STX4: variants seen among roughly 807,000 people sequenced by gnomAD.
STX4 encodes syntaxin 4, also known as syntaxin-4.
A neutral mutation model predicts 41.8 loss-of-function variants in STX4; 24 were observed. That is an observed-to-expected ratio of 0.57 (90% CI 0.42 to 0.81). STX4 has a LOEUF of 0.81. STX4 is among the 30% of genes least tolerant of loss of function. The probability of loss-of-function intolerance (pLI) is 0.00; values close to 1 mark genes in which losing one functional copy is unlikely to be tolerated. For missense variants in STX4, 316 were observed against 389.9 expected (o/e 0.81, Z 1.60); for synonymous variants, 158 against 156.4 (o/e 1.01, Z -0.08).
At position 31,039,437 on chromosome 16, in the gene STX4, TG is replaced by T; in HGVS notation, c.703-103del. The T allele has an allele frequency of 8.4e-7, 1 of 1,197,288 alleles. No individual in the cohort carries two copies. The highest frequency in any genetic ancestry group is 1.2e-6 in the Non-Finnish European group (1 of 838,096). 74.2% of individuals were successfully genotyped at this position (1,197,288 alleles called of 1,614,324 possible). A position where few individuals can be genotyped will look rare whatever the true frequency, so the allele number is the denominator to read the frequency against. On this transcript the variant is annotated intron_variant, in intron 8 of 10. Coordinates refer to ENST00000313843, the MANE Select transcript of STX4 (RefSeq NM_004604.5). The surrounding 1 kb of genome is among the most constrained non-coding windows in gnomAD (Gnocchi z 4.1). ...TCAGATCAAGTCTTGCCCTTGTCTTTGTTAGTGCAATTTTTTTTTCCTGCCA... is the reference window on the plus strand; with the variant it reads ...TCAGATCAAGTCTTGCCCTTGTCTTTTTAGTGCAATTTTTTTTTCCTGCCA...
rs757284471 is a variant in STX4, at chr16:31,038,053, G to C, written c.487+19G>C. Reference sequence around the variant, plus strand: ...AAGATCAGTGAGTTGTGCATGCCCAGCCTGGCCCGCAGGGGCAGGTAATCC... The same window carrying C: ...AAGATCAGTGAGTTGTGCATGCCCACCCTGGCCCGCAGGGGCAGGTAATCC... On this transcript the variant is annotated intron_variant, in intron 6 of 10. Transcript: ENST00000313843. 3.1e-6 allele frequency: 5 copies of C among 1,614,200 alleles called. No homozygotes were observed. The East Asian group carries it at 1.1e-4, about 36-fold the overall frequency.
Position 31,040,068 on chromosome 16 carries a change from C to A in STX4, c.*172C>A, listed in dbSNP as rs943743432. 3 of 550,100 alleles carry A rather than the reference C, an allele frequency of 5.5e-6. No individual in the cohort carries two copies. The South Asian group carries it at 6.2e-5, about 11-fold the overall frequency. 34.1% of individuals were successfully genotyped at this position (550,100 alleles called of 1,614,324 possible). On this transcript the variant is annotated 3_prime_UTR_variant, in exon 11 of 11. Coordinates refer to ENST00000313843, the MANE Select transcript of STX4 (RefSeq NM_004604.5). ...GGCAGCTGCTCATTCATGATGGCCT[C>A]CTCCTTCAGGCCTCAATGCCTGGGG...
rs1458336381 is a variant in STX4, at chr16:31,033,569, G to C, written c.-237G>C. ...CACGGAGGGGCGGGGCTGAGGCTGC[G>C]GGAGCTGGAGCGGGGAAGAAAAGGG... is the stretch of plus-strand genomic sequence containing the variant. On this transcript the variant is annotated 5_prime_UTR_variant, in exon 1 of 11. Coordinates refer to ENST00000313843, the MANE Select transcript of STX4 (RefSeq NM_004604.5). This position sits in a 1 kb window ranked among gnomAD's most constrained non-coding sequence, Gnocchi z 5.5. The C allele has an allele frequency of 1.3e-6, 2 of 1,542,136 alleles. No individual in the cohort carries two copies. Among genetic ancestry groups the C allele is most frequent in the Non-Finnish European group, 1.8e-6 (2 of 1,142,070 alleles).
chr16:31,035,240 A>G (rs1298845046), intron 5 of STX4, among the ~76,000 whole-genome samples, 200 bp downstream of exon 5: 1 of 152,172 alleles, frequency 6.6e-6, no homozygotes, highest in Non-Finnish European at 1.5e-5. Context: ...GTCCGGTTAT[A>G]ACACCCTGCT....
chr16:31,033,692 G>A lies in STX4; in HGVS notation c.-114G>A. ...ACGGAGCCTCTGGCGGCTCGTGGGG[G>A]TGTTGGGGTCCGCAGGGGGAGGGAG... On this transcript the variant is annotated 5_prime_UTR_variant, in exon 1 of 11. In the 5' UTR this introduces an upstream ATG that the reference lacks. Transcript: ENST00000313843. This position sits in a 1 kb window ranked among gnomAD's most constrained non-coding sequence, Gnocchi z 5.5. 1 of 1,447,230 alleles carries A rather than the reference G, an allele frequency of 6.9e-7. No individual in the cohort carries two copies. The highest frequency in any genetic ancestry group is 9.1e-7 in the Non-Finnish European group (1 of 1,102,620). 89.6% of individuals were successfully genotyped at this position (1,447,230 alleles called of 1,614,324 possible).
In STX4 at chr16:31,039,016, G is replaced by A. The variant is rs576369476; in HGVS notation, c.702+369G>A. ...TGTACAAGGCTGGGGTGGGGGCGGCGTTCCCCTGGCCCTGGTTGTGAGTTG... is the reference window on the plus strand; with the variant it reads ...TGTACAAGGCTGGGGTGGGGGCGGCATTCCCCTGGCCCTGGTTGTGAGTTG... On this transcript the variant is annotated intron_variant, in intron 8 of 10. Transcript: ENST00000313843. This position sits in a 1 kb window ranked among gnomAD's most constrained non-coding sequence, Gnocchi z 4.1. 178 of 256,024 alleles carry A rather than the reference G, an allele frequency of 7.0e-4. No individual in the cohort carries two copies. Among genetic ancestry groups the A allele is most frequent in the South Asian group, 1.4e-3 (26 of 19,042 alleles). The allele number at this position is 256,024 out of a possible 1,614,324, so 15.9% of individuals were successfully genotyped here.
In STX4 at chr16:31,039,533, C is replaced by T. The variant is rs1567391125; in HGVS notation, c.703-8C>T. On this transcript the variant is annotated splice_region_variant and splice_polypyrimidine_tract_variant and intron_variant, in intron 8 of 10. Coordinates refer to ENST00000313843, the MANE Select transcript of STX4 (RefSeq NM_004604.5). The surrounding 1 kb of genome is among the most constrained non-coding windows in gnomAD (Gnocchi z 4.1). ...TTACCTCCCTGAACCACCCCATCCT[C>T]TGAGCAGGGGGAGATGATCAATCGG... 1 of 1,613,778 alleles carries T rather than the reference C, an allele frequency of 6.2e-7. No homozygotes were observed. Among genetic ancestry groups the T allele is most frequent in the East Asian group, 2.2e-5 (1 of 44,884 alleles).
At chr16:31,038,078 C>T (rs1176962631) in intron 6 of STX4, 36 bp from the exon 7 acceptor site, 2 of 1,614,136 alleles carry the variant, frequency 1.2e-6, no homozygotes, top group Non-Finnish European at 1.7e-6. Context: ...GCAGGTAATC[C>T]CAACCCAACC....
rs1567390320 is a variant in STX4, at chr16:31,038,042, G to A, written c.487+8G>A. ...GGAGGCAGCTGAAGATCAGTGAGTT[G>A]TGCATGCCCAGCCTGGCCCGCAGGG... On this transcript the variant is annotated splice_region_variant and intron_variant, in intron 6 of 10. Transcript: ENST00000313843. 2 of 1,614,226 alleles carry A rather than the reference G, an allele frequency of 1.2e-6. No individual in the cohort carries two copies. The highest frequency in any genetic ancestry group is 3.3e-5 in the Admixed American group (2 of 60,030).
intron 5 of STX4, 67 bp from the exon 6 acceptor site, chr16:31,037,859 G>A: frequency 6.5e-7 from 1 of 1,529,832 alleles, no homozygotes; most frequent in East Asian, 2.3e-5. Context: ...TGTACTATGG[G>A]GTTGCCGAGG....
intron 5 of STX4, among the ~76,000 whole-genome samples, chr16:31,036,616 CATAATAAAT>C (rs1331157372): frequency 6.6e-6 from 1 of 151,994 alleles, no homozygotes; most frequent in Non-Finnish European, 1.5e-5. Flanking sequence ...AGACAATCAC[CATAATAAAT>C]AAGTGAATTA....
In STX4 at chr16:31,038,003, C is replaced by A; in HGVS notation, c.456C>A (p.Asn152Lys). Residue 152 changes from asparagine (N) to lysine (K), a missense_variant, in exon 6 of 11, where the codon AAC becomes AAA. Physicochemically the swap from Asn to Lys is moderately conservative, Grantham distance 94. Transcript: ENST00000313843. ...NSMQSEYREK[N>K]VERIRRQLKI... ...TGCAGTCCGAATACCGGGAGAAGAA[C>A]GTGGAGCGGATTCGGAGGCAGCTGA... is the stretch of plus-strand genomic sequence containing the variant. 6.2e-7 allele frequency: 1 copy of A among 1,614,184 alleles called. No individual in the cohort carries two copies. Among genetic ancestry groups the A allele is most frequent in the Non-Finnish European group, 8.5e-7 (1 of 1,180,036 alleles).
At position 31,034,634 on chromosome 16, in the gene STX4, C is replaced by G. The variant is rs972086290; in HGVS notation, c.307+98C>G. 5 of 1,331,826 alleles carry G rather than the reference C, an allele frequency of 3.8e-6. No individual in the cohort carries two copies. In the African/African-American group the frequency reaches 6.0e-5, roughly 16 times the overall value. The allele number at this position is 1,331,826 out of a possible 1,614,324, so 82.5% of individuals were successfully genotyped here. On this transcript the variant is annotated intron_variant, in intron 4 of 10. Transcript: ENST00000313843. The stretch of plus-strand genomic sequence containing the variant: ...TGGCCCAGAGAAGCCAGTGATATAT[C>G]CAGGTCACACAGCAGGCCTGGGTCT...
In STX4 at chr16:31,038,541, C is replaced by G; in HGVS notation, c.596C>G (p.Ala199Gly). Reference sequence around the variant, plus strand: ...AAGGACACGCAGGTGACTCGACAGGCCTTAAATGAGATCTCGGCCCGGCAC... The same window carrying G: ...AAGGACACGCAGGTGACTCGACAGGGCTTAAATGAGATCTCGGCCCGGCAC... ...ILKDTQVTRQ[A>G]LNEISARHSE... The change falls in exon 8 of 11, where the codon GCC (alanine) becomes GGC (glycine). Residue 199 changes from alanine (A) to glycine (G), a missense_variant. Coordinates refer to ENST00000313843, the MANE Select transcript of STX4 (RefSeq NM_004604.5). The G allele has an allele frequency of 3.7e-6, 6 of 1,614,146 alleles. No individual in the cohort carries two copies. The highest frequency in any genetic ancestry group is 5.1e-6 in the Non-Finnish European group (6 of 1,180,034).
At chr16:31,033,554 C>T (rs2056771587), upstream of STX4, 3 of 1,547,200 alleles carry the variant, frequency 1.9e-6, no homozygotes, top group East Asian at 7.3e-5. This position sits in a 1 kb window ranked among gnomAD's most constrained non-coding sequence, Gnocchi z 5.5. Context: ...CACGGAGGGG[C>T]GGGGCTGAGG....
rs1407641064 is a variant in STX4, at chr16:31,034,051, C to T, written c.69C>T (p.Val23=). The stretch of plus-strand genomic sequence containing the variant: ...CGGACGAAGAGGACAAGGAGCGGGT[C>T]GCGCTGGTGGTGCACCCGGGCACGG... The part of the protein sequence containing the change: ...DSSDEEDKER[V]ALVVHPGTAR... The change falls in exon 2 of 11, where the codon GTC becomes GTT. Residue 23 remains valine (V), a synonymous_variant. Coordinates refer to ENST00000313843, the MANE Select transcript of STX4 (RefSeq NM_004604.5). 1 of 1,609,062 alleles carries T rather than the reference C, an allele frequency of 6.2e-7. No homozygotes were observed. The highest frequency in any genetic ancestry group is 2.2e-5 in the East Asian group (1 of 44,748).
chr16:31,038,370 G>A (rs2143726519), intron 7 of STX4, 140 bp from the exon 8 acceptor site: 2 of 1,350,368 alleles, frequency 1.5e-6, no homozygotes, highest in African/African-American at 1.4e-5. Context: ...GGCACCCTGA[G>A]GCCTCTAAGG....
intron 4 of STX4, 184 bp downstream of exon 4, chr16:31,034,720 G>T (rs1042674238): frequency 2.2e-5 from 16 of 731,116 alleles, no homozygotes; most frequent in South Asian, 7.2e-5. Flanking sequence ...CGCCTCTCAG[G>T]TTCTTTTATT....
rs2056833265 is a variant in STX4 at position 31,040,160 on chromosome 16, G to A, written c.*264G>A. 3 of 255,346 alleles carry A rather than the reference G, an allele frequency of 1.2e-5. No homozygotes were observed. In the South Asian group the frequency reaches 1.7e-4, roughly 14 times the overall value. 15.8% of individuals were successfully genotyped at this position (255,346 alleles called of 1,614,324 possible). A position where few individuals can be genotyped will look rare whatever the true frequency, so the allele number is the denominator to read the frequency against. Reference sequence around the variant, plus strand: ...TAAAAAATTAAAAAACAAAAAAAGAGCATAGAAAGCCCTGTGCACGTGTGT... The same window carrying A: ...TAAAAAATTAAAAAACAAAAAAAGAACATAGAAAGCCCTGTGCACGTGTGT... On this transcript the variant is annotated 3_prime_UTR_variant, in exon 11 of 11. Transcript: ENST00000313843.
Sources: allele counts gnomAD v4.1 joint callset (sites outside exome capture counted in the v4.1 genomes callset), GRCh38; gene constraint gnomAD v4.1.1; non-coding constraint Gnocchi (gnomAD v3.1); transcripts MANE v1.5; gene names NCBI Gene and HGNC (gene_info 2026-07-23, HGNC 2026-07-21).